The following ADCYAP1R1 variants were observed in gnomAD, a reference collection of about 807,000 sequenced individuals.
ADCYAP1R1 encodes pituitary adenylate cyclase-activating polypeptide type I receptor.
Under a neutral mutation model 67.6 loss-of-function variants are expected in ADCYAP1R1, and 44 were observed. The ratio of observed to expected loss-of-function variants is 0.65; its 90% CI spans 0.51 to 0.84. The LOEUF (loss-of-function observed/expected upper bound fraction) is 0.84, where lower values mean the gene tolerates loss of function less well. Among genes scored for constraint, ADCYAP1R1 ranks in the 40% least tolerant of loss-of-function variants. The probability of loss-of-function intolerance (pLI) is 0.00; values close to 1 mark genes in which losing one functional copy is unlikely to be tolerated. For missense variants in ADCYAP1R1, 477 were observed against 587.9 expected, an observed-to-expected ratio of 0.81 and a Z score of 1.95; for synonymous variants, 222 against 219.6, an observed-to-expected ratio of 1.01 and a Z score of -0.10.
intron 3 of ADCYAP1R1, 27 bp from the exon 4 acceptor site, chr7:31,077,964 C>T (rs1294563952): frequency 3.8e-6 from 6 of 1,562,192 alleles, no homozygotes; most frequent in Non-Finnish European, 4.4e-6. Flanking sequence ...TGGCTGGCCC[C>T]TCTCACCATG....
chr7:31,087,815 A>G, intron 12 of ADCYAP1R1, 119 bp downstream of exon 12: 1 of 702,542 alleles, frequency 1.4e-6, no homozygotes, highest in Non-Finnish European at 2.4e-6. Flanking sequence ...TCATGGCTGC[A>G]TTATAATCTG....
intron 3 of ADCYAP1R1, among the ~76,000 whole-genome samples, chr7:31,065,324 A>C (rs1156695792): frequency 1.3e-5 from 2 of 152,190 alleles, no homozygotes; most frequent in Non-Finnish European, 2.9e-5. Context: ...CCAGGGCAGG[A>C]AACGTGGGGT....
Position 31,086,516 on chromosome 7 carries a change from TG to T in ADCYAP1R1, c.804del (p.Trp268CysfsTer14). Reference sequence around the variant, plus strand: ...CTTCCCTGAAAGGAGATACTTCTACTGGTACACCATCATTGGCTGGGGTAGG... The same window carrying T: ...CTTCCCTGAAAGGAGATACTTCTACTGTACACCATCATTGGCTGGGGTAGG... Reference protein sequence around the residue: ...TFFPERRYFYWYTIIGWGTPT... With the variant: ...TFFPERRYFYXYTIIGWGTPT... On this transcript the variant is annotated frameshift_variant, in exon 10 of 16. Coordinates refer to ENST00000304166, the MANE Select transcript of ADCYAP1R1 (RefSeq NM_001118.5). LOFTEE classifies it high-confidence loss of function. This position sits in a 1 kb window ranked among gnomAD's most constrained non-coding sequence, Gnocchi z 5.0. 3 of 1,614,256 alleles carry T rather than the reference TG, an allele frequency of 1.9e-6. No individual in the cohort carries two copies. The highest frequency in any genetic ancestry group is 2.5e-6 in the Non-Finnish European group (3 of 1,180,038).
chr7:31,103,203 T>C, intron 13 of ADCYAP1R1, 34 bp from the exon 14 acceptor site: 2 of 1,605,658 alleles, frequency 1.2e-6, no homozygotes, highest in Non-Finnish European at 1.7e-6. Flanking sequence ...GCCCTGGAAG[T>C]CCCCAGAGCA....
Position 31,107,771 on chromosome 7 carries a change from C to T in ADCYAP1R1, c.*1087C>T, listed in dbSNP as rs965248483. The T allele has an allele frequency of 3.9e-5, 6 of 152,510 alleles. No individual in the cohort carries two copies. The highest frequency in any genetic ancestry group is 1.2e-4 in the African/African-American group (5 of 41,584). The allele number at this position is 152,510 out of a possible 1,614,324, so 9.4% of individuals were successfully genotyped here. A position where few individuals can be genotyped will look rare whatever the true frequency, so the allele number is the denominator to read the frequency against. Reference sequence around the variant, plus strand: ...TGATGAGGAGCCCCAGACACCAGCTCCTCTGGCCTGGACTCAACTATTGAA... The same window carrying T: ...TGATGAGGAGCCCCAGACACCAGCTTCTCTGGCCTGGACTCAACTATTGAA... On this transcript the variant is annotated 3_prime_UTR_variant, in exon 16 of 16. Transcript: ENST00000304166.
chr7:31,076,511 C>T (rs1217746683), intron 3 of ADCYAP1R1, among the ~76,000 whole-genome samples: 3 of 152,182 alleles, frequency 2.0e-5, no homozygotes, highest in Non-Finnish European at 4.4e-5. Flanking sequence ...CAGCTCATGT[C>T]CAATGAGGCA....
chr7:31,053,814 C>T (rs1287324374), intron 1 of ADCYAP1R1, among the ~76,000 whole-genome samples: 2 of 152,134 alleles, frequency 1.3e-5, no homozygotes, highest in African/African-American at 2.4e-5. Context: ...AGGGGCTGGA[C>T]GCAGCATGTG....
chr7:31,073,621 C>T (rs1795080599), intron 3 of ADCYAP1R1, among the ~76,000 whole-genome samples: 1 of 152,144 alleles, frequency 6.6e-6, no homozygotes, highest in South Asian at 2.1e-4. Context: ...TCCGCTGAGG[C>T]CAGAGCAATT....
intron 6 of ADCYAP1R1, 118 bp downstream of exon 6, chr7:31,081,872 T>C (rs1028117861): frequency 1.3e-6 from 1 of 743,934 alleles, no homozygotes; most frequent in Admixed American, 2.8e-5. Flanking sequence ...TGTGTGATCT[T>C]TGGCAGGTGA....
chr7:31,077,053 C>T (rs867203259), intron 3 of ADCYAP1R1, among the ~76,000 whole-genome samples: 8 of 152,184 alleles, frequency 5.3e-5, no homozygotes, highest in South Asian at 2.1e-4. Context: ...CTCCCTCCTT[C>T]CCGACCCAGG....
At chr7:31,089,302 T>G (rs1208807094) in intron 12 of ADCYAP1R1, among the ~76,000 whole-genome samples, 1 of 152,174 alleles carries the variant, frequency 6.6e-6, no homozygotes, top group Non-Finnish European at 1.5e-5. Flanking sequence ...GAAAATAAAT[T>G]TTGCTCTTTC....
intron 3 of ADCYAP1R1, among the ~76,000 whole-genome samples, chr7:31,072,866 G>A (rs1468687641): frequency 6.6e-6 from 1 of 152,234 alleles, no homozygotes; most frequent in African/African-American, 2.4e-5. Context: ...GTCCTTATAA[G>A]TGAAAGATGG....
chr7:31,079,815 A>G (rs1657443545), intron 4 of ADCYAP1R1, among the ~76,000 whole-genome samples: 1 of 151,990 alleles, frequency 6.6e-6, no homozygotes, highest in South Asian at 2.1e-4. Context: ...GGGCCTGGGG[A>G]TTGGGTGTGA....
Position 31,060,501 on chromosome 7 carries a change from GGTGT to G in ADCYAP1R1, c.-71-2677_-71-2674del, listed in dbSNP as rs61249603. ...TGTCTGTGAAGGAGTGTGTGTGTGT[GGTGT>G]GTGTGTGTGTGTGTGGTTGCCTGTC... On this transcript the variant is annotated intron_variant, in intron 1 of 15. Coordinates refer to ENST00000304166, the MANE Select transcript of ADCYAP1R1 (RefSeq NM_001118.5). 1.4e-4 allele frequency among the ~76,000 whole-genome samples: 21 copies of G among 149,238 alleles called. No homozygotes were observed. In the East Asian group the frequency reaches 2.9e-3, roughly 21 times the overall value.
At chr7:31,059,695 C>T (rs1794408417) in intron 1 of ADCYAP1R1, among the ~76,000 whole-genome samples, 1 of 152,074 alleles carries the variant, frequency 6.6e-6, no homozygotes, top group South Asian at 2.1e-4. Flanking sequence ...CAGAGAAGCA[C>T]TTGGTTTGGG....
At chr7:31,104,113 GTGAGACTGACTATGGGTCTCACC>G (rs1427697509) in intron 14 of ADCYAP1R1, among the ~76,000 whole-genome samples, 14 of 152,100 alleles carry the variant, frequency 9.2e-5, no homozygotes, top group Non-Finnish European at 1.5e-5. Flanking sequence ...TCTTAGTCTG[GTGAGACTGACTATGGGTCTCACC>G]TGAGACTGGC....
intron 6 of ADCYAP1R1, 47 bp from the exon 7 acceptor site, chr7:31,084,093 GC>G: frequency 6.6e-7 from 1 of 1,516,568 alleles, no homozygotes. Flanking sequence ...GAATTTCAGG[GC>G]CCTCTTAATC....
chr7:31,069,876 C>T (rs886903960), intron 3 of ADCYAP1R1, among the ~76,000 whole-genome samples: 11 of 152,146 alleles, frequency 7.2e-5, no homozygotes, highest in African/African-American at 2.7e-4. Context: ...AAATCCTTGG[C>T]ATGTTTTAAA....
intron 1 of ADCYAP1R1, among the ~76,000 whole-genome samples, chr7:31,062,288 C>G (rs950290134): frequency 1.3e-5 from 2 of 152,154 alleles, no homozygotes; most frequent in Admixed American, 6.5e-5. Context: ...CTGGTCCCCA[C>G]CAGTGGCCCC....
Sources: gnomAD v4.1 joint callset for allele counts (sites outside exome capture counted in the v4.1 genomes callset) on GRCh38, gnomAD v4.1.1 for gene constraint, Gnocchi (gnomAD v3.1) non-coding constraint, MANE v1.5 for transcripts, NCBI Gene and HGNC (gene_info 2026-07-23, HGNC 2026-07-21) for gene names.